The following CACNA2D1 variants were observed in gnomAD, a reference collection of about 807,000 sequenced individuals.
CACNA2D1 encodes the protein calcium voltage-gated channel auxiliary subunit alpha2delta 1.
CACNA2D1 carries 53 observed loss-of-function variants against 171.5 expected under a neutral mutation model. That is an observed-to-expected ratio of 0.31 (90% CI 0.25 to 0.39). CACNA2D1 has a LOEUF of 0.39. Among genes scored for constraint, CACNA2D1 ranks in the 10% least tolerant of loss-of-function variants. CACNA2D1 has a pLI of 1.00. For missense variants in CACNA2D1, 903 were observed against 1,299.8 expected, an observed-to-expected ratio of 0.69 and a Z score of 4.69; for synonymous variants, 442 against 443.1, an observed-to-expected ratio of 1.00 and a Z score of 0.03.
intron 3 of CACNA2D1, among the ~76,000 whole-genome samples, chr7:82,305,010 C>T (rs1027235296): frequency 1.3e-5 from 2 of 151,966 alleles, no homozygotes; most frequent in African/African-American, 4.8e-5. Context: ...TGTAATGACT[C>T]AAAAAATGTT....
intron 38 of CACNA2D1, among the ~76,000 whole-genome samples, chr7:81,951,976 T>TTTTTTTTTTTTGTTTTTG (rs1554321728): frequency 1.0e-4 from 15 of 148,090 alleles, no homozygotes; most frequent in Non-Finnish European, 1.5e-4. Flanking sequence ...AGTGTTTTTT[T>TTTTTTTTTTTTGTTTTTG]TTTTTTTTTT....
At chr7:82,211,172 CAG>C (rs149815128) in intron 3 of CACNA2D1, among the ~76,000 whole-genome samples, 4,928 of 152,160 alleles carry the variant, frequency 0.032, 247 homozygotes, top group African/African-American at 0.11. Context: ...TCCCTTGGGA[CAG>C]GGGGATTCTT....
At chr7:82,233,637 C>T (rs377290861) in intron 3 of CACNA2D1, among the ~76,000 whole-genome samples, 1 of 152,022 alleles carries the variant, frequency 6.6e-6, no homozygotes, top group Non-Finnish European at 1.5e-5. Flanking sequence ...TAGGGACAAC[C>T]TTTGAATACC....
chr7:82,065,116 T>C (rs1286015354), intron 8 of CACNA2D1, among the ~76,000 whole-genome samples: 2 of 45,654 alleles, frequency 4.4e-5, no homozygotes, highest in African/African-American at 8.4e-4. Context: ...CTGACATCAA[T>C]TTTTTTACTT....
intron 25 of CACNA2D1, among the ~76,000 whole-genome samples, chr7:81,974,201 C>T (rs952234175): frequency 1.8e-4 from 28 of 151,934 alleles, no homozygotes; most frequent in African/African-American, 6.5e-4. Flanking sequence ...CTAACATGAG[C>T]GTGCCATATT....
chr7:81,980,671 G>A (rs970689707), intron 24 of CACNA2D1, among the ~76,000 whole-genome samples: 1 of 152,130 alleles, frequency 6.6e-6, no homozygotes, highest in African/African-American at 2.4e-5. Context: ...TATGAAAGTA[G>A]GGAGATCAAG....
At chr7:82,130,567 G>A (rs1025629606) in intron 5 of CACNA2D1, among the ~76,000 whole-genome samples, 1 of 151,852 alleles carries the variant, frequency 6.6e-6, no homozygotes, top group Non-Finnish European at 1.5e-5. Flanking sequence ...GATTGTATTA[G>A]AGCAGTGAAA....
chr7:82,185,903 T>C (rs142997410), intron 3 of CACNA2D1, among the ~76,000 whole-genome samples: 1 of 152,018 alleles, frequency 6.6e-6, no homozygotes, highest in Admixed American at 6.5e-5. Context: ...ACACCTGTAG[T>C]CCCAGCACTT....
chr7:82,257,271 A>G (rs1047038330), intron 3 of CACNA2D1, among the ~76,000 whole-genome samples: 2 of 152,160 alleles, frequency 1.3e-5, no homozygotes, highest in East Asian at 1.9e-4. Flanking sequence ...CTTCTCCTCA[A>G]AGGGACTGGC....
intron 5 of CACNA2D1, among the ~76,000 whole-genome samples, chr7:82,122,420 G>C (rs548471297): frequency 6.6e-6 from 1 of 152,256 alleles, no homozygotes; most frequent in South Asian, 2.1e-4. Flanking sequence ...ATTTTAGTTT[G>C]CATGATGAAT....
At chr7:82,385,505 A>G (rs1212868467) in intron 1 of CACNA2D1, among the ~76,000 whole-genome samples, 9 of 152,230 alleles carry the variant, frequency 5.9e-5, no homozygotes, top group Non-Finnish European at 1.0e-4. Context: ...TAGCTCTACA[A>G]ACTGGTGTGG....
At chr7:82,320,755 A>G (rs931438737) in intron 3 of CACNA2D1, among the ~76,000 whole-genome samples, 11 of 152,094 alleles carry the variant, frequency 7.2e-5, no homozygotes, top group Non-Finnish European at 1.6e-4. Flanking sequence ...ACATGACTTA[A>G]GTATAATAAA....
chr7:82,135,058 T>C (rs760677858), intron 5 of CACNA2D1, among the ~76,000 whole-genome samples: 23 of 152,146 alleles, frequency 1.5e-4, no homozygotes, highest in Non-Finnish European at 3.1e-4. Flanking sequence ...CTGTTTCACA[T>C]ATAAATGTAA....
At chr7:82,355,220 A>G (rs1204207397) in intron 1 of CACNA2D1, among the ~76,000 whole-genome samples, 1 of 152,164 alleles carries the variant, frequency 6.6e-6, no homozygotes, top group African/African-American at 2.4e-5. Context: ...TAATAGTTTG[A>G]AAATCTTTCT....
At position 82,038,246 on chromosome 7, in the gene CACNA2D1, T is replaced by G; in HGVS notation, c.880-11A>C. The G allele has an allele frequency of 6.2e-7, 1 of 1,606,696 alleles. No homozygotes were observed. On this transcript the variant is annotated splice_polypyrimidine_tract_variant and intron_variant, in intron 10 of 38. Coordinates refer to ENST00000356860, the MANE Select transcript of CACNA2D1 (RefSeq NM_000722.4). ...AGCATTGCTGTTAAACTGCAAAAGATTAAAAAGTAAATATATAAATGAACA... is the reference window on the plus strand; with the variant it reads ...AGCATTGCTGTTAAACTGCAAAAGAGTAAAAAGTAAATATATAAATGAACA...
At chr7:82,074,218 A>T (rs1236030222) in intron 7 of CACNA2D1, among the ~76,000 whole-genome samples, 2 of 151,964 alleles carry the variant, frequency 1.3e-5, no homozygotes, top group Non-Finnish European at 2.9e-5. Context: ...TCTACCCCAC[A>T]TCACTTTTAT....
intron 6 of CACNA2D1, 89 bp downstream of exon 6, chr7:82,116,955 T>G: frequency 7.3e-7 from 1 of 1,365,886 alleles, no homozygotes; most frequent in Non-Finnish European, 1.0e-6. Flanking sequence ...CAATGTCACA[T>G]TTGCTCTTTT....
chr7:82,254,553 T>C (rs1337669706), intron 3 of CACNA2D1, among the ~76,000 whole-genome samples: 1 of 152,158 alleles, frequency 6.6e-6, no homozygotes, highest in Non-Finnish European at 1.5e-5. Context: ...CACCCTATTA[T>C]TTCTGTTCCT....
chr7:81,950,170 T>TA lies in CACNA2D1; in HGVS notation c.*221dup. On this transcript the variant is annotated 3_prime_UTR_variant, in exon 39 of 39. Transcript: ENST00000356860. ...CACGTATAGGATTTTGCTTTGATGT[T>TA]ACACATAGATGATGCAGCATTCACA... 1.4e-6 allele frequency: 1 copy of TA among 721,836 alleles called. No individual in the cohort carries two copies. Among genetic ancestry groups the TA allele is most frequent in the Non-Finnish European group, 2.2e-6 (1 of 451,748 alleles). 44.7% of individuals were successfully genotyped at this position (721,836 alleles called of 1,614,324 possible). A position where few individuals can be genotyped will look rare whatever the true frequency, so the allele number is the denominator to read the frequency against.
Sources: gnomAD v4.1 joint callset for allele counts (sites outside exome capture counted in the v4.1 genomes callset) on GRCh38, gnomAD v4.1.1 for gene constraint, MANE v1.5 for transcripts, NCBI Gene and HGNC (gene_info 2026-07-23, HGNC 2026-07-21) for gene names.